The following PLCL1 variants were observed in gnomAD, a reference collection of about 807,000 sequenced individuals.
The protein encoded by PLCL1 is phospholipase C like 1 (inactive), also known as inactive phospholipase C-like protein 1.
PLCL1 carries 41 observed loss-of-function variants against 84.4 expected under a neutral mutation model. The observed-to-expected ratio is 0.49, with a 90% CI of 0.38 to 0.63. PLCL1 has a LOEUF of 0.63. Ranked by LOEUF, PLCL1 falls within the 30% of genes least tolerant of loss-of-function variation. PLCL1 has a pLI of 0.00. For missense variants in PLCL1, 1,206 were observed against 1,367.8 expected, an observed-to-expected ratio of 0.88 and a Z score of 1.87; for synonymous variants, 490 against 488.3, an observed-to-expected ratio of 1.00 and a Z score of -0.05.
At chr2:197,867,158 C>G (rs1453864416) in intron 1 of PLCL1, among the ~76,000 whole-genome samples, 1 of 152,142 alleles carries the variant, frequency 6.6e-6, no homozygotes, top group Non-Finnish European at 1.5e-5. Flanking sequence ...TGCTGTAGAG[C>G]TGGAGGTTCA....
chr2:198,133,498 C>A (rs1694178731), intron 5 of PLCL1, among the ~76,000 whole-genome samples: 1 of 142,350 alleles, frequency 7.0e-6, no homozygotes. Flanking sequence ...GCACAATGTG[C>A]ACATGTACCC....
At chr2:197,837,933 AG>A (rs765188984) in intron 1 of PLCL1, among the ~76,000 whole-genome samples, 14 of 152,168 alleles carry the variant, frequency 9.2e-5, no homozygotes, top group Non-Finnish European at 2.1e-4. Context: ...CATTTTTCAA[AG>A]ATTGCTATAA....
intron 1 of PLCL1, among the ~76,000 whole-genome samples, chr2:198,074,593 C>G (rs1451055545): frequency 1.3e-5 from 2 of 152,092 alleles, no homozygotes; most frequent in Non-Finnish European, 2.9e-5. Context: ...GAGCCGAGAT[C>G]GAGCCACTGC....
intron 1 of PLCL1, among the ~76,000 whole-genome samples, chr2:197,865,649 G>C (rs1266320091): frequency 6.6e-6 from 1 of 152,016 alleles, no homozygotes; most frequent in Non-Finnish European, 1.5e-5. Flanking sequence ...TAATTAGCAC[G>C]TTAAGTTAGA....
Position 197,804,920 on chromosome 2 carries a change from C to A in PLCL1, c.-180C>A. Reference sequence around the variant, plus strand: ...AAGCCCGAGGACGTCTCTGCCCGAGCGATGTCCCCTCTCCAGAAAGTTGCC... The same window carrying A: ...AAGCCCGAGGACGTCTCTGCCCGAGAGATGTCCCCTCTCCAGAAAGTTGCC... On this transcript the variant is annotated 5_prime_UTR_variant, in exon 1 of 6. Transcript: ENST00000428675. The A allele has an allele frequency of 1.7e-6, 1 of 596,156 alleles. No homozygotes were observed. 36.9% of individuals were successfully genotyped at this position (596,156 alleles called of 1,614,324 possible).
chr2:197,878,709 T>A (rs1324916945), intron 1 of PLCL1, among the ~76,000 whole-genome samples: 1 of 152,090 alleles, frequency 6.6e-6, no homozygotes, highest in Non-Finnish European at 1.5e-5. Flanking sequence ...TACCTTAGGA[T>A]CAAATTGAAG....
chr2:197,961,253 G>A (rs545013411), intron 1 of PLCL1, among the ~76,000 whole-genome samples: 3 of 152,014 alleles, frequency 2.0e-5, no homozygotes, highest in Admixed American at 6.6e-5. Flanking sequence ...GAGAGAGAGA[G>A]AGAGAGAGAG....
chr2:197,994,333 C>T (rs979765431), intron 1 of PLCL1, among the ~76,000 whole-genome samples: 2 of 152,170 alleles, frequency 1.3e-5, no homozygotes, highest in Non-Finnish European at 2.9e-5. Context: ...GGGCTAGGAA[C>T]TTTAGCAGAA....
chr2:197,945,488 T>C (rs907952362), intron 1 of PLCL1, among the ~76,000 whole-genome samples: 1 of 152,172 alleles, frequency 6.6e-6, no homozygotes, highest in Non-Finnish European at 1.5e-5. Context: ...TAGATGTTAA[T>C]AGCACAAACA....
At chr2:197,819,138 T>A (rs966167376) in intron 1 of PLCL1, among the ~76,000 whole-genome samples, 4 of 152,074 alleles carry the variant, frequency 2.6e-5, no homozygotes, top group Non-Finnish European at 4.4e-5. Flanking sequence ...CAGTGGGGCC[T>A]GCAACATCCC....
At chr2:198,127,001 T>C (rs1267142576) in intron 5 of PLCL1, among the ~76,000 whole-genome samples, 5 of 50,704 alleles carry the variant, frequency 9.9e-5, no homozygotes, top group African/African-American at 3.2e-4. Context: ...AGTGTGTGTG[T>C]GTGTGTGTGT....
intron 1 of PLCL1, among the ~76,000 whole-genome samples, chr2:197,848,741 C>T (rs1687166260): frequency 6.6e-6 from 1 of 152,132 alleles, no homozygotes; most frequent in Non-Finnish European, 1.5e-5. Context: ...GAAGGACAAT[C>T]AAACCACTTG....
At chr2:197,866,280 C>T (rs1477816921) in intron 1 of PLCL1, among the ~76,000 whole-genome samples, 1 of 148,510 alleles carries the variant, frequency 6.7e-6, no homozygotes, top group Admixed American at 6.8e-5. Flanking sequence ...AGATTAAACA[C>T]CAAAAATATC....
chr2:197,975,147 CAAAAAAA>C (rs71015804), intron 1 of PLCL1, among the ~76,000 whole-genome samples: 1 of 19,908 alleles, frequency 5.0e-5, no homozygotes, highest in Non-Finnish European at 9.9e-5. Context: ...GACTCCATCT[CAAAAAAA>C]AAAAAAAAAA....
intron 1 of PLCL1, among the ~76,000 whole-genome samples, chr2:197,929,855 A>C (rs1559048248): frequency 6.6e-6 from 1 of 152,202 alleles, no homozygotes; most frequent in Non-Finnish European, 1.5e-5. Context: ...GTGTGAGGTT[A>C]TAGAATAATA....
At position 198,000,215 on chromosome 2, in the gene PLCL1, A is replaced by G. The variant is rs79813662; in HGVS notation, c.241-83543A>G. On this transcript the variant is annotated intron_variant, in intron 1 of 5. Transcript: ENST00000428675. ...AAGTTTCGTACATCTTAATTGCGAT[A>G]CTTTGCACCCCATGGATACCTGTGA... Among the ~76,000 whole-genome samples the G allele has an allele frequency of 4.7e-3, 718 of 152,310 alleles. 6 individuals carry two copies. The highest frequency in any genetic ancestry group is 0.017 in the Middle Eastern group (5 of 294).
intron 1 of PLCL1, among the ~76,000 whole-genome samples, chr2:198,043,050 G>A (rs1028086417): frequency 2.6e-5 from 4 of 152,142 alleles, no homozygotes; most frequent in African/African-American, 7.2e-5. Flanking sequence ...GCCCAGATCT[G>A]AGCAGTTAAG....
At chr2:198,118,720 T>C (rs1179900147) in intron 5 of PLCL1, among the ~76,000 whole-genome samples, 3 of 152,006 alleles carry the variant, frequency 2.0e-5, no homozygotes, top group Admixed American at 6.6e-5. Context: ...CCTATGTCAA[T>C]TGTGCACTGC....
At chr2:198,080,158 G>T (rs142746881) in intron 1 of PLCL1, among the ~76,000 whole-genome samples, 16 of 152,300 alleles carry the variant, frequency 1.1e-4, no homozygotes, top group Middle Eastern at 3.4e-3. Context: ...GAGCACACCT[G>T]AACTGATAAT....
Sources: allele counts gnomAD v4.1 joint callset (sites outside exome capture counted in the v4.1 genomes callset), GRCh38; gene constraint gnomAD v4.1.1; transcripts MANE v1.5; gene names NCBI Gene and HGNC (gene_info 2026-07-23, HGNC 2026-07-21).